The following LYSMD1 variants were observed in gnomAD, a reference collection of about 807,000 sequenced individuals.
LYSMD1 encodes LysM domain containing 1.
In LYSMD1, 9 loss-of-function variants were observed where a neutral mutation model predicts 19.3. That is an observed-to-expected ratio of 0.47 (90% CI 0.28 to 0.81). The LOEUF (loss-of-function observed/expected upper bound fraction) is 0.81. LYSMD1 is among the 40% of genes least tolerant of loss of function. The probability of loss-of-function intolerance (pLI) is 0.11; values close to 1 mark genes in which losing one functional copy is unlikely to be tolerated. For missense variants in LYSMD1, 262 were observed against 279.8 expected (o/e 0.94, Z 0.45); for synonymous variants, 111 against 111.7 (o/e 0.99, Z 0.04).
rs953320807 is a variant in LYSMD1 at position 151,161,020 on chromosome 1, C to T, written c.546G>A (p.Gly182=). 6.2e-6 allele frequency: 10 copies of T among 1,613,384 alleles called. No individual in the cohort carries two copies. The East Asian group carries it at 2.0e-4, about 32-fold the overall frequency. ...AAQKLKKGEN[G]VPGEDAGLHL... The stretch of plus-strand genomic sequence containing the variant: ...GGAGACCTGCATCCTCCCCAGGTAC[C>T]CTGCAATTGAGGAAAGGGGGGAAAG... The change falls in exon 3 of 3, where the codon GGG becomes GGA. Residue 182 remains glycine (G), a splice_region_variant and synonymous_variant. Coordinates refer to ENST00000368908, the MANE Select transcript of LYSMD1 (RefSeq NM_212551.5).
chr1:151,165,384 C>A lies in LYSMD1; in HGVS notation c.-126G>T, dbSNP rs1683642421. On this transcript the variant is annotated 5_prime_UTR_variant, in exon 1 of 3. Transcript: ENST00000368908. Reference sequence around the variant, plus strand: ...TTTCCCCCTCTCTCTTCCCCTGTGTCCCCGCCTCCCCAGCACTACGCCATC... The same window carrying A: ...TTTCCCCCTCTCTCTTCCCCTGTGTACCCGCCTCCCCAGCACTACGCCATC... 11 of 1,461,458 alleles carry A rather than the reference C, an allele frequency of 7.5e-6. No homozygotes were observed. The highest frequency in any genetic ancestry group is 9.9e-6 in the Non-Finnish European group (11 of 1,109,032). The allele number at this position is 1,461,458 out of a possible 1,614,324, so 90.5% of individuals were successfully genotyped here.
chr1:151,165,869 G>A lies in LYSMD1; in HGVS notation c.-611C>T, dbSNP rs1572073457. The A allele has an allele frequency of 8.7e-7, 1 of 1,155,870 alleles. No individual in the cohort carries two copies. Among genetic ancestry groups the A allele is most frequent in the Non-Finnish European group, 1.3e-6 (1 of 786,934 alleles). The allele number at this position is 1,155,870 out of a possible 1,614,324, so 71.6% of individuals were successfully genotyped here. ...CAGATCCGCCAAGATGCAAGGGCCT[G>A]GATCCAGTTGAGCGGCAAGGTCTTT... On this transcript the variant is annotated 5_prime_UTR_variant, in exon 1 of 3. Transcript: ENST00000368908.
downstream of LYSMD1, among the ~76,000 whole-genome samples, chr1:151,156,139 A>G (rs1407974180): frequency 1.4e-5 from 2 of 144,240 alleles, no homozygotes; most frequent in Admixed American, 1.4e-4. Context: ...GCAACTCAGT[A>G]GGCTTGTTCC....
chr1:151,157,763 C>T (rs587651448), downstream of LYSMD1, among the ~76,000 whole-genome samples: 2 of 152,288 alleles, frequency 1.3e-5, no homozygotes, highest in African/African-American at 4.8e-5. Context: ...GCTAAGATGA[C>T]TGACGTAAAG....
In LYSMD1 at chr1:151,160,552, G is replaced by A. The variant is rs907696690; in HGVS notation, c.*330C>T. ...CATAGTTGGAGATGAGGAAGAAGCT[G>A]AGGGGGAGTCTCTGCTTCCCTGTTC... On this transcript the variant is annotated 3_prime_UTR_variant, in exon 3 of 3. Transcript: ENST00000368908. The A allele has an allele frequency of 2.2e-5, 4 of 182,790 alleles. No individual in the cohort carries two copies. Among genetic ancestry groups the A allele is most frequent in the Admixed American group, 5.8e-5 (1 of 17,104 alleles). 11.3% of individuals were successfully genotyped at this position (182,790 alleles called of 1,614,324 possible).
the LYSMD1 span, among the ~76,000 whole-genome samples, chr1:151,153,559 G>A: frequency 1.3e-5 from 2 of 151,932 alleles, no homozygotes; most frequent in Admixed American, 1.3e-4. Flanking sequence ...GGAGGCTAAG[G>A]CAGGAGAATT....
At position 151,165,527 on chromosome 1, in the gene LYSMD1, C is replaced by G; in HGVS notation, c.-269G>C. 6.9e-7 allele frequency: 1 copy of G among 1,447,738 alleles called. No individual in the cohort carries two copies. The highest frequency in any genetic ancestry group is 9.0e-7 in the Non-Finnish European group (1 of 1,106,774). The allele number at this position is 1,447,738 out of a possible 1,614,324, so 89.7% of individuals were successfully genotyped here. A position where few individuals can be genotyped will look rare whatever the true frequency, so the allele number is the denominator to read the frequency against. On this transcript the variant is annotated 5_prime_UTR_variant, in exon 1 of 3. Transcript: ENST00000368908. The stretch of plus-strand genomic sequence containing the variant: ...CCTCCGACTTTGGACTCCCCCACAA[C>G]TCCTCGCTACATTGACCTCTGACCT...
At position 151,160,649 on chromosome 1, in the gene LYSMD1, A is replaced by T; in HGVS notation, c.*233T>A. On this transcript the variant is annotated 3_prime_UTR_variant, in exon 3 of 3. Transcript: ENST00000368908. ...AAAAAGAGCCTTTTGAGTCTAAAGG[A>T]CTCAACTCTAGATTCAGCCCAAGAA... 1 of 403,550 alleles carries T rather than the reference A, an allele frequency of 2.5e-6. No individual in the cohort carries two copies. The highest frequency in any genetic ancestry group is 4.5e-6 in the Non-Finnish European group (1 of 220,930). 25.0% of individuals were successfully genotyped at this position (403,550 alleles called of 1,614,324 possible).
chr1:151,165,335 G>A lies in LYSMD1; in HGVS notation c.-77C>T, dbSNP rs113113282. On this transcript the variant is annotated 5_prime_UTR_variant, in exon 1 of 3. Coordinates refer to ENST00000368908, the MANE Select transcript of LYSMD1 (RefSeq NM_212551.5). The stretch of plus-strand genomic sequence containing the variant: ...ACTGCGACTGACAGGCCTGAAGTCT[G>A]GGAATGAATATTCAGGGGATTCCTT... The A allele has an allele frequency of 6.7e-4, 1,031 of 1,549,332 alleles. 13 individuals are homozygous for A. The African/African-American group carries it at 0.011, about 17-fold the overall frequency.
chr1:151,162,178 A>G, intron 1 of LYSMD1, 78 bp from the exon 2 acceptor site: 1 of 1,359,786 alleles, frequency 7.4e-7, no homozygotes, highest in Non-Finnish European at 1.0e-6. Context: ...AAGTGACTGT[A>G]CAGAGTCTTC....
At chr1:151,154,527 G>A in the LYSMD1 span, among the ~76,000 whole-genome samples, 4,544 of 151,438 alleles carry the variant, frequency 0.03, 228 homozygotes, top group African/African-American at 0.1. Flanking sequence ...AGGGAGGGAG[G>A]GAGGGGAGTC....
intron 1 of LYSMD1, among the ~76,000 whole-genome samples, chr1:151,164,161 T>C (rs2101693471): frequency 6.6e-6 from 1 of 152,340 alleles, no homozygotes; most frequent in Non-Finnish European, 1.5e-5. Context: ...CCCAAAGTGC[T>C]GGGATTACAG....
Position 151,161,920 on chromosome 1 carries a change from T to C in LYSMD1, c.361A>G (p.Thr121Ala), listed in dbSNP as rs1378644576. The stretch of plus-strand genomic sequence containing the variant: ...CCTGTCTCTTGTTTCTTCCTCTCAG[T>C]TGAGTGTGGCCAAACTTCACTGTTA... ...PSNSEVWPHS[T>A]ERKKQETGAG... is the part of the protein sequence containing the mutation. The change falls in exon 2 of 3, where the codon ACT becomes GCT. Residue 121 changes from threonine (T) to alanine (A), a missense_variant. Physicochemically the swap from Thr to Ala is moderately conservative, Grantham distance 58. Transcript: ENST00000368908. The C allele has an allele frequency of 1.2e-6, 2 of 1,614,128 alleles. No homozygotes were observed. Among genetic ancestry groups the C allele is most frequent in the Admixed American group, 1.7e-5 (1 of 60,010 alleles).
chr1:151,150,737 T>TTTTC, the LYSMD1 span, among the ~76,000 whole-genome samples: 1 of 83,014 alleles, frequency 1.2e-5, no homozygotes, highest in Non-Finnish European at 2.6e-5. Flanking sequence ...TTTTCTTTTC[T>TTTTC]TTTTTTTTTT....
chr1:151,156,471 T>C (rs1163322850), downstream of LYSMD1, among the ~76,000 whole-genome samples: 1 of 152,164 alleles, frequency 6.6e-6, no homozygotes, highest in African/African-American at 2.4e-5. Context: ...CAAATCCCTT[T>C]CCCCCCTTCA....
At chr1:151,159,579 AAAGGAGGCAC>A, downstream of LYSMD1, 1 of 297,990 alleles carries the variant, frequency 3.4e-6, no homozygotes, top group South Asian at 3.9e-5. Context: ...TGAACCAAGG[AAAGGAGGCAC>A]AGCCCAGAGA....
chr1:151,150,787 G>A, the LYSMD1 span, among the ~76,000 whole-genome samples: 1 of 147,198 alleles, frequency 6.8e-6, no homozygotes, highest in South Asian at 2.1e-4. Context: ...CCAGGCTGGA[G>A]TGCAGTAGCA....
chr1:151,162,394 C>A (rs1012961657), intron 1 of LYSMD1, among the ~76,000 whole-genome samples: 1 of 150,912 alleles, frequency 6.6e-6, no homozygotes, highest in East Asian at 1.9e-4. Flanking sequence ...GAATTAGAGT[C>A]CAGCCTGAGT....
At chr1:151,155,631 T>C (rs2101677118), downstream of LYSMD1, among the ~76,000 whole-genome samples, 1 of 152,080 alleles carries the variant, frequency 6.6e-6, no homozygotes, top group African/African-American at 2.4e-5. Context: ...TAGGAAGAGC[T>C]CTTGAGCCCA....
Sources: gnomAD v4.1 joint callset for allele counts (sites outside exome capture counted in the v4.1 genomes callset) on GRCh38, gnomAD v4.1.1 for gene constraint, MANE v1.5 for transcripts, NCBI Gene and HGNC (gene_info 2026-07-23, HGNC 2026-07-21) for gene names.